PARD6G: variants seen among roughly 807,000 people sequenced by gnomAD.
PARD6G encodes par-6 family cell polarity regulator gamma.
In PARD6G, 7 loss-of-function variants were observed where a neutral mutation model predicts 10.7. That is an observed-to-expected ratio of 0.66 (90% CI 0.37 to 1.23). The LOEUF is 1.23. Among genes scored for constraint, PARD6G ranks in the 50% most tolerant of loss-of-function variants. The probability of loss-of-function intolerance (pLI) is 0.02; values close to 1 mark genes in which losing one functional copy is unlikely to be tolerated. For synonymous variants in PARD6G, 287 were observed against 269.4 expected, an observed-to-expected ratio of 1.07 and a Z score of -0.64; for missense variants, 548 against 571.8, an observed-to-expected ratio of 0.96 and a Z score of 0.42.
intron 1 of PARD6G, among the ~76,000 whole-genome samples, chr18:80,204,230 T>C (rs898142167): frequency 6.6e-6 from 1 of 152,172 alleles, no homozygotes; most frequent in Non-Finnish European, 1.5e-5. Context: ...AAGTAATGTT[T>C]ATGGAAAACT....
At chr18:80,238,902 T>G (rs1379784589) in intron 1 of PARD6G, among the ~76,000 whole-genome samples, 1 of 152,092 alleles carries the variant, frequency 6.6e-6, no homozygotes, top group African/African-American at 2.4e-5. Context: ...GACTAGTAGT[T>G]TCACGTAGGC....
intron 1 of PARD6G, among the ~76,000 whole-genome samples, chr18:80,216,131 G>T (rs1232973810): frequency 6.6e-6 from 1 of 151,988 alleles, no homozygotes; most frequent in Non-Finnish European, 1.5e-5. Context: ...TAACTTAAAA[G>T]GAGAAATAAA....
intron 1 of PARD6G, among the ~76,000 whole-genome samples, chr18:80,244,034 G>C (rs923088570): frequency 2.6e-5 from 4 of 152,164 alleles, no homozygotes; most frequent in African/African-American, 9.7e-5. Context: ...TAAGTTCGTA[G>C]TGGCACCGTG....
At chr18:80,164,545 A>G (rs2052722634) in intron 2 of PARD6G, among the ~76,000 whole-genome samples, 2 of 152,236 alleles carry the variant, frequency 1.3e-5, no homozygotes, top group Non-Finnish European at 2.9e-5. Context: ...GCCTTCAAGG[A>G]CTTGAGCAGA....
intron 1 of PARD6G, among the ~76,000 whole-genome samples, chr18:80,204,663 C>T (rs951803391): frequency 2.0e-5 from 3 of 151,808 alleles, no homozygotes; most frequent in African/African-American, 7.3e-5. Context: ...AAAATACTGG[C>T]TTGGGGCAGG....
chr18:80,236,434 A>G (rs1967423526), intron 1 of PARD6G, among the ~76,000 whole-genome samples: 2 of 152,180 alleles, frequency 1.3e-5, no homozygotes, highest in African/African-American at 4.8e-5. Context: ...CCCTTTGAAA[A>G]CTGGCACAAG....
chr18:80,201,619 T>C lies in PARD6G; in HGVS notation c.295+1091A>G, dbSNP rs1023215508. On this transcript the variant is annotated intron_variant, in intron 2 of 2. Transcript: ENST00000353265. This position sits in a 1 kb window ranked among gnomAD's most constrained non-coding sequence, Gnocchi z 5.9. ...GCCAGAGAATCTGTCTGAAGTGAGGTCAACGAGTCTCCTGCCGTTCCCTTC... is the reference window on the plus strand; with the variant it reads ...GCCAGAGAATCTGTCTGAAGTGAGGCCAACGAGTCTCCTGCCGTTCCCTTC... 9.9e-5 allele frequency among the ~76,000 whole-genome samples: 15 copies of C among 152,148 alleles called. No individual in the cohort carries two copies. Among genetic ancestry groups the C allele is most frequent in the African/African-American group, 3.6e-4 (15 of 41,422 alleles).
chr18:80,220,379 G>A (rs1967215933), intron 1 of PARD6G, among the ~76,000 whole-genome samples: 1 of 152,100 alleles, frequency 6.6e-6, no homozygotes, highest in Non-Finnish European at 1.5e-5. Flanking sequence ...ACCATATCAG[G>A]AGACCTCAAA....
intron 2 of PARD6G, among the ~76,000 whole-genome samples, chr18:80,163,555 C>T (rs1284624034): frequency 6.6e-6 from 1 of 152,316 alleles, no homozygotes; most frequent in African/African-American, 2.4e-5. Context: ...ATGGTGCATT[C>T]CCTTCCACCA....
intron 2 of PARD6G, among the ~76,000 whole-genome samples, chr18:80,165,698 A>G (rs1023561399): frequency 6.6e-6 from 1 of 152,114 alleles, no homozygotes; most frequent in African/African-American, 2.4e-5. Context: ...CGCAATGGAT[A>G]TGTCTTTGCC....
intron 2 of PARD6G, among the ~76,000 whole-genome samples, chr18:80,164,307 C>G (rs1201785647): frequency 6.6e-6 from 1 of 152,192 alleles, no homozygotes; most frequent in Non-Finnish European, 1.5e-5. Context: ...AGGGGCCATC[C>G]TAACAGCCCC....
rs1452704590 is a variant in PARD6G at position 80,180,430 on chromosome 18, T to TC, written c.296-19825dup. Among the ~76,000 whole-genome samples, 1 of 152,102 alleles carries TC rather than the reference T, an allele frequency of 6.6e-6. No individual in the cohort carries two copies. The highest frequency in any genetic ancestry group is 1.5e-5 in the Non-Finnish European group (1 of 68,006). On this transcript the variant is annotated intron_variant, in intron 2 of 2. Transcript: ENST00000353265. The surrounding 1 kb of genome is among the most constrained non-coding windows in gnomAD (Gnocchi z 5.6). ...CTGGGGGCTGTGGCCTCACAGAGGC[T>TC]CCCAGGCTACACTGGAGGAGGCTCT...
At chr18:80,214,894 G>GT (rs1201141801) in intron 1 of PARD6G, among the ~76,000 whole-genome samples, 1 of 152,038 alleles carries the variant, frequency 6.6e-6, no homozygotes, top group Admixed American at 6.6e-5. Flanking sequence ...GTTTGTTAAA[G>GT]AGGTCCATAC....
At chr18:80,221,774 G>A (rs1478763153) in intron 1 of PARD6G, among the ~76,000 whole-genome samples, 2 of 152,182 alleles carry the variant, frequency 1.3e-5, no homozygotes, top group Non-Finnish European at 2.9e-5. Flanking sequence ...CAGATGATAT[G>A]CATTTGTATA....
rs776118374 is a variant in PARD6G at position 80,247,360 on chromosome 18, C to T, written c.-12G>A. The T allele has an allele frequency of 1.6e-5, 25 of 1,559,188 alleles. No individual in the cohort carries two copies. Among genetic ancestry groups the T allele is most frequent in the Non-Finnish European group, 1.8e-5 (21 of 1,151,962 alleles). On this transcript the variant is annotated 5_prime_UTR_variant, in exon 1 of 3. Coordinates refer to ENST00000353265, the MANE Select transcript of PARD6G (RefSeq NM_032510.4). The surrounding 1 kb of genome is among the most constrained non-coding windows in gnomAD (Gnocchi z 4.2). ...AAACTTCGGTTCATGGTTTCGGCCC[C>T]GGTCAGCCTCGCCGTCGCCCTCGCT...
At chr18:80,191,242 C>T (rs1458880312) in intron 2 of PARD6G, among the ~76,000 whole-genome samples, 5 of 152,192 alleles carry the variant, frequency 3.3e-5, no homozygotes, top group East Asian at 1.9e-4. Flanking sequence ...AACCTCAAAC[C>T]GGCCACCTCC....
intron 2 of PARD6G, chr18:80,170,744 T>C (rs2052770484): frequency 6.6e-6 from 1 of 152,252 alleles, no homozygotes; most frequent in East Asian, 1.9e-4. Flanking sequence ...TTAAGCAACA[T>C]TTTATTTCCA....
intron 1 of PARD6G, among the ~76,000 whole-genome samples, chr18:80,241,214 A>C (rs1380247219): frequency 6.6e-6 from 1 of 152,134 alleles, no homozygotes; most frequent in Non-Finnish European, 1.5e-5. Context: ...TTTGTATTTC[A>C]TGGCTTATTG....
In PARD6G at chr18:80,161,729, G is replaced by C. The variant is rs1172309292; in HGVS notation, c.296-1123C>G. 1 of 152,210 alleles carries C rather than the reference G, an allele frequency of 6.6e-6. No individual in the cohort carries two copies. 9.4% of individuals were successfully genotyped at this position (152,210 alleles called of 1,614,324 possible). A position where few individuals can be genotyped will look rare whatever the true frequency, so the allele number is the denominator to read the frequency against. ...CACAGCAGCCTGCTCTTTGGGCTGG[G>C]GAGGCTCACATCTTTGCTTTGCCAG... On this transcript the variant is annotated intron_variant, in intron 2 of 2. Coordinates refer to ENST00000353265, the MANE Select transcript of PARD6G (RefSeq NM_032510.4). The surrounding 1 kb of genome is among the most constrained non-coding windows in gnomAD (Gnocchi z 4.6).
Sources: allele counts gnomAD v4.1 joint callset (sites outside exome capture counted in the v4.1 genomes callset), GRCh38; gene constraint gnomAD v4.1.1; non-coding constraint Gnocchi (gnomAD v3.1); transcripts MANE v1.5; gene names NCBI Gene and HGNC (gene_info 2026-07-23, HGNC 2026-07-21).